The following DMD variants were observed in gnomAD, a reference collection of about 807,000 sequenced individuals.
DMD encodes the protein mutant dystrophin.
Under a neutral mutation model 330.1 loss-of-function variants are expected in DMD, and 63 were observed. That is an observed-to-expected ratio of 0.19 (90% confidence interval 0.16 to 0.24). The LOEUF (loss-of-function observed/expected upper bound fraction) is 0.24, where lower values mean the gene tolerates loss of function less well. DMD is among the 10% of genes least tolerant of loss of function. The pLI is 1.00. For synonymous variants in DMD, 1,223 were observed against 959.8 expected, an observed-to-expected ratio of 1.27 and a Z score of -5.07; for missense variants, 3,344 against 2,684.1, an observed-to-expected ratio of 1.25 and a Z score of -5.43.
At chrX:32,657,670 A>G (rs1228784000) in intron 9 of DMD, among the ~76,000 whole-genome samples, 4 of 112,203 alleles carry the variant, frequency 3.6e-5, no homozygotes, top group Non-Finnish European at 7.5e-5. Flanking sequence ...TTTAAAAGTC[A>G]GTATTTGGTT....
intron 63 of DMD, among the ~76,000 whole-genome samples, chrX:31,232,400 G>A (rs1277660777): frequency 9.0e-6 from 1 of 111,722 alleles, no homozygotes; most frequent in African/African-American, 3.3e-5. Context: ...AACAAAACAG[G>A]AGAGGAGATG....
chrX:32,093,966 C>T (rs989258750), intron 44 of DMD, among the ~76,000 whole-genome samples: 3 of 110,348 alleles, frequency 2.7e-5, no homozygotes, highest in African/African-American at 6.6e-5. Flanking sequence ...AATGAGGTTA[C>T]GGAGAATTAT....
intron 44 of DMD, among the ~76,000 whole-genome samples, chrX:32,142,340 A>G (rs1339126988): frequency 4.5e-5 from 5 of 111,690 alleles, no homozygotes; most frequent in Non-Finnish European, 3.8e-5. Flanking sequence ...TTCCTCACCA[A>G]CCTTTACGGC....
intron 55 of DMD, among the ~76,000 whole-genome samples, chrX:31,560,778 AT>A (rs71850580): frequency 0.11 from 11,870 of 110,957 alleles, 703 homozygotes; most frequent in Admixed American, 0.2. Context: ...TAGTAAATAT[AT>A]TTTTCTCTTC....
rs951790555 is a variant in DMD at position 32,628,696 on chromosome X, T to C, written c.1332-14243A>G. On this transcript the variant is annotated intron_variant, in intron 11 of 78. Transcript: ENST00000357033. ...ATAGTACTGCTTTCACTGCTTCCCATAGGTTTTGGTTACATTGCGTTTCCT... is the reference window on the plus strand; with the variant it reads ...ATAGTACTGCTTTCACTGCTTCCCACAGGTTTTGGTTACATTGCGTTTCCT... Among the ~76,000 whole-genome samples, 17 of 110,786 alleles carry C rather than the reference T, an allele frequency of 1.5e-4. 2 individuals are homozygous for C. Among genetic ancestry groups the C allele is most frequent in the Admixed American group, 1.1e-3 (11 of 10,391 alleles).
intron 45 of DMD, among the ~76,000 whole-genome samples, chrX:31,935,787 C>CG (rs1235313306): frequency 9.1e-6 from 1 of 110,433 alleles, no homozygotes; most frequent in Non-Finnish European, 1.9e-5. Flanking sequence ...CCCAAACCCC[C>CG]CAAACAAACA....
intron 19 of DMD, among the ~76,000 whole-genome samples, chrX:32,501,431 CTG>C (rs773304402): frequency 9.0e-6 from 1 of 111,573 alleles, no homozygotes; most frequent in Non-Finnish European, 1.9e-5. Flanking sequence ...TATAACATGA[CTG>C]TTAATGTTTT....
chrX:32,107,256 A>C (rs2096568214), intron 44 of DMD, among the ~76,000 whole-genome samples: 1 of 110,120 alleles, frequency 9.1e-6, no homozygotes, highest in Non-Finnish European at 1.9e-5. Flanking sequence ...AGGCAGTAGA[A>C]AGAGTAATAA....
chrX:32,306,004 G>A (rs960507946), intron 42 of DMD, among the ~76,000 whole-genome samples: 3 of 107,990 alleles, frequency 2.8e-5, no homozygotes, highest in Admixed American at 9.9e-5. Context: ...TTATACCTAC[G>A]TCTACCCCTG....
chrX:33,220,963 C>T (rs1003483180), intron 1 of DMD, among the ~76,000 whole-genome samples: 2 of 111,515 alleles, frequency 1.8e-5, no homozygotes, highest in African/African-American at 6.5e-5. Flanking sequence ...AAAAAGGAAA[C>T]AGGCAAGAGA....
chrX:31,692,303 C>T (rs1294439963), intron 52 of DMD, among the ~76,000 whole-genome samples: 2 of 110,634 alleles, frequency 1.8e-5, no homozygotes, highest in Non-Finnish European at 3.8e-5. Flanking sequence ...TAAATTCCTA[C>T]ATCAAAAAAG....
chrX:33,242,723 A>T (rs1031452371), intron 1 of DMD, among the ~76,000 whole-genome samples: 3 of 111,828 alleles, frequency 2.7e-5, no homozygotes, highest in African/African-American at 9.8e-5. Context: ...GCAGTGTAGA[A>T]GTGTTCCCTG....
At chrX:33,273,387 A>G (rs1804336099) in intron 1 of DMD, among the ~76,000 whole-genome samples, 1 of 112,573 alleles carries the variant, frequency 8.9e-6, no homozygotes, top group African/African-American at 3.2e-5. Context: ...TAATGAGAGG[A>G]TTTACATCCC....
chrX:31,695,577 T>TA (rs928831069), intron 52 of DMD, among the ~76,000 whole-genome samples: 4 of 102,537 alleles, frequency 3.9e-5, no homozygotes, highest in Non-Finnish European at 6.0e-5. Context: ...AAATTAAAAA[T>TA]AAAAAAAAAA....
chrX:32,809,668 G>A, intron 6 of DMD, 57 bp from the exon 7 acceptor site: 3 of 1,016,222 alleles, frequency 3.0e-6, no homozygotes, highest in Non-Finnish European at 4.2e-6. Flanking sequence ...AATCTAGAAT[G>A]TTCCATGAGA....
At chrX:32,086,337 A>G (rs1370167480) in intron 44 of DMD, among the ~76,000 whole-genome samples, 1 of 111,946 alleles carries the variant, frequency 8.9e-6, no homozygotes, top group Non-Finnish European at 1.9e-5. Flanking sequence ...ACAGATCTCT[A>G]AAATGTTAGC....
At chrX:31,690,715 A>G (rs2083055796) in intron 52 of DMD, among the ~76,000 whole-genome samples, 1 of 112,099 alleles carries the variant, frequency 8.9e-6, no homozygotes, top group African/African-American at 3.2e-5. Context: ...CCTGGAACCA[A>G]TCCAAATGTC....
intron 43 of DMD, 121 bp downstream of exon 43, chrX:32,287,408 A>T: frequency 1.6e-6 from 1 of 643,722 alleles, no homozygotes; most frequent in East Asian, 3.4e-5. Flanking sequence ...ACCATTTTTC[A>T]ATGAGAGTGA....
At chrX:31,146,626 G>C (rs1416594908) in intron 75 of DMD, among the ~76,000 whole-genome samples, 2 of 111,136 alleles carry the variant, frequency 1.8e-5, no homozygotes, top group African/African-American at 3.3e-5. Context: ...ATAAATTTGA[G>C]AAAAAAATCA....
Sources: gnomAD v4.1 joint callset for allele counts (sites outside exome capture counted in the v4.1 genomes callset) on GRCh38, gnomAD v4.1.1 for gene constraint, MANE v1.5 for transcripts, NCBI Gene and HGNC (gene_info 2026-07-23, HGNC 2026-07-21) for gene names.